The following SLC45A2 variants were observed in gnomAD, a reference collection of about 807,000 sequenced individuals.
SLC45A2 encodes the protein membrane-associated transporter protein.
Under a neutral mutation model 45.5 loss-of-function variants are expected in SLC45A2, and 36 were observed. That is an observed-to-expected ratio of 0.79 (90% CI 0.61 to 1.04). The LOEUF (loss-of-function observed/expected upper bound fraction) is 1.04, where lower values mean the gene tolerates loss of function less well. Among genes scored for constraint, SLC45A2 ranks in the 50% least tolerant of loss-of-function variants. SLC45A2 has a pLI of 0.00. For missense variants in SLC45A2, 719 were observed against 671.0 expected (o/e 1.07, Z -0.79); for synonymous variants, 306 against 269.3 (o/e 1.14, Z -1.33).
chr5:33,948,710 T>C (rs1752010859), intron 5 of SLC45A2, among the ~76,000 whole-genome samples: 2 of 152,330 alleles, frequency 1.3e-5, no homozygotes, highest in African/African-American at 4.8e-5. Flanking sequence ...CAGTTTCTGC[T>C]TGCTTAATAA....
intron 3 of SLC45A2, among the ~76,000 whole-genome samples, chr5:33,959,429 A>G (rs1752378154): frequency 6.6e-6 from 1 of 152,178 alleles, no homozygotes; most frequent in African/African-American, 2.4e-5. Flanking sequence ...CAAAGAGTAC[A>G]AGTATTCTCC....
chr5:33,970,380 CT>C (rs1445054828), intron 2 of SLC45A2, among the ~76,000 whole-genome samples: 1 of 152,238 alleles, frequency 6.6e-6, no homozygotes, highest in African/African-American at 2.4e-5. Flanking sequence ...CTTCCTAAGC[CT>C]CCTCAGAGCC....
chr5:33,949,858 A>T (rs1259169078), intron 5 of SLC45A2, among the ~76,000 whole-genome samples: 1 of 151,316 alleles, frequency 6.6e-6, no homozygotes, highest in Admixed American at 6.6e-5. Context: ...TCCCTGAGGA[A>T]AAATAAGTTT....
At chr5:33,977,206 C>T (rs138843430) in intron 2 of SLC45A2, among the ~76,000 whole-genome samples, 1 of 152,222 alleles carries the variant, frequency 6.6e-6, no homozygotes, top group Admixed American at 6.5e-5. Flanking sequence ...GAAACCAACC[C>T]TGACAGCTTC....
intron 3 of SLC45A2, among the ~76,000 whole-genome samples, chr5:33,963,475 G>A (rs1752507599): frequency 6.6e-6 from 1 of 152,024 alleles, no homozygotes; most frequent in Non-Finnish European, 1.5e-5. Flanking sequence ...CCTGAGAGGA[G>A]TAAGAGACAG....
At chr5:33,949,945 T>C (rs1473631527) in intron 5 of SLC45A2, among the ~76,000 whole-genome samples, 2 of 151,892 alleles carry the variant, frequency 1.3e-5, no homozygotes, top group African/African-American at 4.8e-5. Flanking sequence ...CCCAGCACTG[T>C]GGGAGGCTGA....
At position 33,984,211 on chromosome 5, in the gene SLC45A2, T is replaced by C. The variant is rs1753167345; in HGVS notation, c.373A>G (p.Thr125Ala). The change falls in exon 1 of 7, where the codon ACT (threonine) becomes GCT (alanine). Residue 125 changes from threonine to alanine, a missense_variant. By Grantham distance (58) the Thr-to-Ala change is moderately conservative. Transcript: ENST00000296589. Reference sequence around the variant, plus strand: ...GCAGCCCACTTACCTGCTACAACAGTAGCCCCATTGAGGTACAGAGCCATG... The same window carrying C: ...GCAGCCCACTTACCTGCTACAACAGCAGCCCCATTGAGGTACAGAGCCATG... ...VGMALYLNGA[T>A]VVAALIANPR... The C allele has an allele frequency of 5.0e-6, 8 of 1,614,016 alleles. No homozygotes were observed. Among genetic ancestry groups the C allele is most frequent in the South Asian group, 1.1e-5 (1 of 91,082 alleles).
intron 2 of SLC45A2, 54 bp downstream of exon 2, chr5:33,982,182 A>G (rs1488568091): frequency 2.5e-6 from 4 of 1,600,156 alleles, no homozygotes; most frequent in African/African-American, 2.7e-5. Context: ...GCTTTAGTGG[A>G]AGTGCCTCAT....
intron 2 of SLC45A2, among the ~76,000 whole-genome samples, chr5:33,964,810 T>C (rs1752557689): frequency 6.6e-6 from 1 of 152,230 alleles, no homozygotes; most frequent in Non-Finnish European, 1.5e-5. Context: ...TATTCCTTTT[T>C]TGAGTTTCTG....
intron 3 of SLC45A2, among the ~76,000 whole-genome samples, chr5:33,956,599 T>C (rs748563944): frequency 2.6e-5 from 4 of 152,188 alleles, no homozygotes; most frequent in African/African-American, 9.7e-5. Flanking sequence ...CAGGAAGTCT[T>C]TGTCCACCAT....
intron 2 of SLC45A2, chr5:33,971,352 G>T (rs1579554481): frequency 3.9e-6 from 2 of 509,408 alleles, no homozygotes. Flanking sequence ...ACCTCCAAAA[G>T]GCTGTTTGTT....
chr5:33,946,716 C>A (rs1579531431), intron 6 of SLC45A2: 1 of 1,053,904 alleles, frequency 9.5e-7, no homozygotes, highest in Non-Finnish European at 1.1e-6. Context: ...GCAAATAATG[C>A]CAAGAAATTC....
chr5:33,947,694 A>G (rs1240098144), intron 5 of SLC45A2, among the ~76,000 whole-genome samples: 2 of 152,212 alleles, frequency 1.3e-5, no homozygotes, highest in East Asian at 3.9e-4. Context: ...TAACTATGGG[A>G]ACCTGGGGCT....
At chr5:33,953,707 C>A (rs938086824) in intron 4 of SLC45A2, among the ~76,000 whole-genome samples, 6 of 121,630 alleles carry the variant, frequency 4.9e-5, no homozygotes, top group Admixed American at 2.7e-4. Flanking sequence ...TCACACATAA[C>A]AATATTAACT....
At position 33,984,665 on chromosome 5, in the gene SLC45A2, T is replaced by C. The variant is rs898538811; in HGVS notation, c.-82A>G. ...TCTGTGTTTCAAACTGGATTTGACG[T>C]GGAGCCTGGCCGAGCAACCAACAGA... is the stretch of plus-strand genomic sequence containing the variant. On this transcript the variant is annotated 5_prime_UTR_variant, in exon 1 of 7. Coordinates refer to ENST00000296589, the MANE Select transcript of SLC45A2 (RefSeq NM_016180.5). 12 of 1,585,478 alleles carry C rather than the reference T, an allele frequency of 7.6e-6. No individual in the cohort carries two copies. Among genetic ancestry groups the C allele is most frequent in the Middle Eastern group, 2.2e-4 (1 of 4,462 alleles).
At chr5:33,974,319 G>A (rs1752864230) in intron 2 of SLC45A2, among the ~76,000 whole-genome samples, 1 of 152,154 alleles carries the variant, frequency 6.6e-6, no homozygotes, top group African/African-American at 2.4e-5. Flanking sequence ...CTCCCTAGGA[G>A]CCAGTACAGT....
intron 3 of SLC45A2, 130 bp from the exon 4 acceptor site, chr5:33,954,634 A>G: frequency 7.5e-7 from 1 of 1,326,622 alleles, no homozygotes; most frequent in Non-Finnish European, 1.1e-6. Flanking sequence ...TTTCCTGGAC[A>G]TGGAACTAGG....
intron 4 of SLC45A2, among the ~76,000 whole-genome samples, chr5:33,952,696 T>G (rs1009836669): frequency 1.3e-5 from 2 of 150,200 alleles, no homozygotes; most frequent in Non-Finnish European, 3.0e-5. Flanking sequence ...TTTTTAATTT[T>G]TTTTTTTTTA....
Position 33,963,778 on chromosome 5 carries a change from C to T in SLC45A2, c.801G>A (p.Glu267=), listed in dbSNP as rs1341494284. 8 of 1,614,196 alleles carry T rather than the reference C, an allele frequency of 5.0e-6. No individual in the cohort carries two copies. Among genetic ancestry groups the T allele is most frequent in the East Asian group, 2.2e-5 (1 of 44,884 alleles). Residue 267 remains glutamate, a synonymous_variant, in exon 3 of 7, where the codon GAG becomes GAA. Coordinates refer to ENST00000296589, the MANE Select transcript of SLC45A2 (RefSeq NM_016180.5). The stretch of plus-strand genomic sequence containing the variant: ...TTTTAACTTTCTCGATAGAACCATA[C>T]TCGTACATTCCATCTGATGACAATG... ...DPPLSSDGMY[E]YGSIEKVKNG...
Sources: allele counts gnomAD v4.1 joint callset (sites outside exome capture counted in the v4.1 genomes callset), GRCh38; gene constraint gnomAD v4.1.1; transcripts MANE v1.5; gene names NCBI Gene and HGNC (gene_info 2026-07-23, HGNC 2026-07-21).